SPATA31A5: variants seen among roughly 807,000 people sequenced by gnomAD.
SPATA31A5 encodes the protein SPATA31 subfamily A member 5.
chr9:60,915,187 CTGTGTGTGTG>C (rs1161833993), intron 1 of SPATA31A5, among the ~76,000 whole-genome samples: 12 of 77,002 alleles, frequency 1.6e-4, no homozygotes, highest in African/African-American at 5.2e-4. Context: ...GAAAATCCCT[CTGTGTGTGTG>C]TGTGTGTGTG....
At chr9:60,915,254 TA>T (rs1825499660) in intron 1 of SPATA31A5, among the ~76,000 whole-genome samples, 1 of 37,728 alleles carries the variant, frequency 2.7e-5, no homozygotes, top group Admixed American at 2.7e-4. Context: ...GTGTTATTTT[TA>T]TTTTATTTTA....
At chr9:60,915,315 G>C (rs978355058) in intron 1 of SPATA31A5, among the ~76,000 whole-genome samples, 15 of 68,418 alleles carry the variant, frequency 2.2e-4, no homozygotes, top group East Asian at 1.3e-3. Context: ...ATGGAGTCTC[G>C]CTCTGTGGTG....
chr9:60,914,937 G>A (rs1324650912), intron 1 of SPATA31A5, among the ~76,000 whole-genome samples: 1 of 29,850 alleles, frequency 3.4e-5, no homozygotes, highest in Non-Finnish European at 7.2e-5. Context: ...ACCAGGCCCT[G>A]AGCCCTGGCT....
At chr9:60,914,947 T>C (rs1328781285) in intron 1 of SPATA31A5, among the ~76,000 whole-genome samples, 3 of 32,748 alleles carry the variant, frequency 9.2e-5, no homozygotes, top group African/African-American at 3.0e-4. Context: ...GAGCCCTGGC[T>C]CATCAGCCCC....
At chr9:60,915,320 GT>G (rs1825502748) in intron 1 of SPATA31A5, among the ~76,000 whole-genome samples, 1 of 74,462 alleles carries the variant, frequency 1.3e-5, no homozygotes, top group South Asian at 4.6e-4. Context: ...GTCTCGCTCT[GT>G]GGTGCAGGTT....
In SPATA31A5 at chr9:60,915,248, T is replaced by C. The variant is rs1253070915; in HGVS notation, c.190-575T>C. ...GTATTTTTATTTTATTTGTGTGTGTTATTTTTATTTTATTTTATTTTATTT... is the reference window on the plus strand; with the variant it reads ...GTATTTTTATTTTATTTGTGTGTGTCATTTTTATTTTATTTTATTTTATTT... On this transcript the variant is annotated intron_variant, in intron 1 of 3. Transcript: ENST00000437823. Among the ~76,000 whole-genome samples, 9 of 113,256 alleles carry C rather than the reference T, an allele frequency of 7.9e-5. No individual in the cohort carries two copies. The East Asian group carries it at 1.9e-3, about 24-fold the overall frequency. The allele number at this position is 113,256 out of a possible 152,430, so 74.3% of individuals were successfully genotyped here.
chr9:60,915,317 T>A (rs1309774924), intron 1 of SPATA31A5, among the ~76,000 whole-genome samples: 5 of 75,828 alleles, frequency 6.6e-5, no homozygotes, highest in African/African-American at 2.2e-4. Context: ...GGAGTCTCGC[T>A]CTGTGGTGCA....
At chr9:60,915,187 C>CTGTGTGTGTGTGTGTG (rs1161833993) in intron 1 of SPATA31A5, among the ~76,000 whole-genome samples, 21 of 76,962 alleles carry the variant, frequency 2.7e-4, no homozygotes, top group Non-Finnish European at 3.0e-4. Flanking sequence ...GAAAATCCCT[C>CTGTGTGTGTGTGTGTG]TGTGTGTGTG....
intron 1 of SPATA31A5, among the ~76,000 whole-genome samples, chr9:60,915,113 T>C (rs1324172340): frequency 1.1e-3 from 73 of 63,776 alleles, no homozygotes; most frequent in African/African-American, 3.2e-3. Flanking sequence ...CCTGCGGGCC[T>C]GAACTTGGGT....
At chr9:60,915,171 C>CATATTGAA (rs1825495315) in intron 1 of SPATA31A5, among the ~76,000 whole-genome samples, 1 of 87,018 alleles carries the variant, frequency 1.1e-5, no homozygotes, top group Admixed American at 1.0e-4. Flanking sequence ...TGGTGGACCT[C>CATATTGAA]ATATTGAAAA....
intron 1 of SPATA31A5, among the ~76,000 whole-genome samples, chr9:60,915,316 C>G (rs942559696): frequency 2.8e-5 from 2 of 72,256 alleles, no homozygotes; most frequent in African/African-American, 9.4e-5. Context: ...TGGAGTCTCG[C>G]TCTGTGGTGC....
At chr9:60,915,254 T>C (rs556037477) in intron 1 of SPATA31A5, among the ~76,000 whole-genome samples, 3,865 of 34,872 alleles carry the variant, frequency 0.11, 23 homozygotes, top group African/African-American at 0.21. Flanking sequence ...GTGTTATTTT[T>C]ATTTTATTTT....
In SPATA31A5 at chr9:60,915,250, TTTTTATTTTATTTTATTTTA is replaced by T. The variant is rs758221670; in HGVS notation, c.190-543_190-524del. On this transcript the variant is annotated intron_variant, in intron 1 of 3. Coordinates refer to ENST00000437823, the MANE Select transcript of SPATA31A5 (RefSeq NM_001113541.3). ...ATTTTTATTTTATTTGTGTGTGTTA[TTTTTATTTTATTTTATTTTA>T]TTTTATTTTATTTTATTTTATTTTA... 1.1e-4 allele frequency among the ~76,000 whole-genome samples: 10 copies of T among 87,630 alleles called. No individual in the cohort carries two copies. In the South Asian group the frequency reaches 1.2e-3, roughly 10 times the overall value. 57.5% of individuals were successfully genotyped at this position (87,630 alleles called of 152,430 possible).
At chr9:60,915,215 G>C (rs1351157821) in intron 1 of SPATA31A5, among the ~76,000 whole-genome samples, 3 of 117,494 alleles carry the variant, frequency 2.6e-5, no homozygotes, top group Admixed American at 2.5e-4. Context: ...GTGTGTGTGT[G>C]TGTGTGTGTA....
intron 1 of SPATA31A5, among the ~76,000 whole-genome samples, chr9:60,915,205 G>GTGTGTA (rs1825496806): frequency 8.8e-6 from 1 of 113,368 alleles, no homozygotes; most frequent in South Asian, 3.2e-4. Context: ...GTGTGTGTGT[G>GTGTGTA]TGTGTGTGTG....
intron 1 of SPATA31A5, among the ~76,000 whole-genome samples, chr9:60,915,187 C>CTGTGTGTG (rs1161833993): frequency 0.05 from 3,640 of 73,508 alleles, 27 homozygotes; most frequent in Non-Finnish European, 0.057. Context: ...GAAAATCCCT[C>CTGTGTGTG]TGTGTGTGTG....
chr9:60,915,245 T>C lies in SPATA31A5; in HGVS notation c.190-578T>C, dbSNP rs1258405525. ...TGTGTATTTTTATTTTATTTGTGTG[T>C]GTTATTTTTATTTTATTTTATTTTA... On this transcript the variant is annotated intron_variant, in intron 1 of 3. Transcript: ENST00000437823. Among the ~76,000 whole-genome samples the C allele has an allele frequency of 2.6e-5, 3 of 117,530 alleles. No homozygotes were observed. The Admixed American group carries it at 2.6e-4, about 10-fold the overall frequency. The allele number at this position is 117,530 out of a possible 152,430, so 77.1% of individuals were successfully genotyped here. A position where few individuals can be genotyped will look rare whatever the true frequency, so the allele number is the denominator to read the frequency against.
chr9:60,915,301 T>C (rs1466955297), intron 1 of SPATA31A5, among the ~76,000 whole-genome samples: 1 of 90,190 alleles, frequency 1.1e-5, no homozygotes, highest in Non-Finnish European at 2.5e-5. Flanking sequence ...TTTTATTTTT[T>C]GAGATGGAGT....
intron 1 of SPATA31A5, among the ~76,000 whole-genome samples, chr9:60,914,997 TG>T (rs1319558409): frequency 2.4e-5 from 1 of 42,228 alleles, no homozygotes; most frequent in East Asian, 3.8e-4. Context: ...CTCCCCTGTG[TG>T]GGGTGATCTG....
Sources: allele counts gnomAD v4.1 joint callset (sites outside exome capture counted in the v4.1 genomes callset), GRCh38; gene constraint gnomAD v4.1.1; transcripts MANE v1.5; gene names NCBI Gene and HGNC (gene_info 2026-07-23, HGNC 2026-07-21).